The following OSGIN2 variants were observed in gnomAD, a reference collection of about 807,000 sequenced individuals.
OSGIN2 encodes oxidative stress-induced growth inhibitor 2.
OSGIN2 carries 19 observed loss-of-function variants against 53.8 expected under a neutral mutation model. The observed-to-expected ratio is 0.35, with a 90% CI of 0.25 to 0.52. The LOEUF (loss-of-function observed/expected upper bound fraction) is 0.52. OSGIN2 is among the 20% of genes least tolerant of loss of function. The pLI is 0.95. For missense variants in OSGIN2, 520 were observed against 662.7 expected, an observed-to-expected ratio of 0.78 and a Z score of 2.36; for synonymous variants, 236 against 236.0, an observed-to-expected ratio of 1.00 and a Z score of 0.00.
intron 2 of OSGIN2, among the ~76,000 whole-genome samples, chr8:89,913,858 G>A (rs939824512): frequency 1.3e-5 from 2 of 152,196 alleles, no homozygotes; most frequent in Non-Finnish European, 1.5e-5. Flanking sequence ...AATTTTGGAT[G>A]TCAGTAGCCT....
At chr8:89,923,720 T>A (rs1365609960) in intron 5 of OSGIN2, among the ~76,000 whole-genome samples, 1 of 152,228 alleles carries the variant, frequency 6.6e-6, no homozygotes, top group Admixed American at 6.5e-5. Flanking sequence ...CATTTTTGAC[T>A]TAAAATATTT....
In OSGIN2 at chr8:89,921,161, A is replaced by G. The variant is rs766564563; in HGVS notation, c.610A>G (p.Ser204Gly). ...ACTTAAATTTAAGGACTGGGTATCA[A>G]GTAAACGAAGGTAAAGATTGAACTG... is the stretch of plus-strand genomic sequence containing the variant. Reference protein sequence around the residue: ...PGLKFKDWVSSKRRSLKGDRV... With the variant: ...PGLKFKDWVSGKRRSLKGDRV... The change falls in exon 5 of 6, where the codon AGT becomes GGT. Residue 204 changes from serine (S) to glycine (G), a missense_variant. Ser to Gly is a moderately conservative substitution (Grantham distance 56). Around this residue, in one of 3 missense-constraint regions of OSGIN2, gnomAD observed 203 missense variants for 275.3 expected, o/e 0.74. Coordinates refer to ENST00000451899, the MANE Select transcript of OSGIN2 (RefSeq NM_001126111.3). The G allele has an allele frequency of 1.9e-6, 3 of 1,577,540 alleles. No homozygotes were observed. The highest frequency in any genetic ancestry group is 2.6e-6 in the Non-Finnish European group (3 of 1,155,648).
intron 1 of OSGIN2, among the ~76,000 whole-genome samples, chr8:89,907,800 C>G (rs907899597): frequency 2.0e-5 from 3 of 152,124 alleles, no homozygotes; most frequent in African/African-American, 7.2e-5. Flanking sequence ...TGAAGAATGT[C>G]ATCGGGAGTT....
In OSGIN2 at chr8:89,924,781, A is replaced by C. The variant is rs764866278; in HGVS notation, c.899A>C (p.Glu300Ala). The C allele has an allele frequency of 1.2e-6, 2 of 1,614,180 alleles. No homozygotes were observed. Among genetic ancestry groups the C allele is most frequent in the South Asian group, 2.2e-5 (2 of 91,084 alleles). The change falls in exon 6 of 6, where the codon GAG becomes GCG. Residue 300 changes from glutamate to alanine, a missense_variant. This residue lies in a region of OSGIN2 where 239 missense variants were observed against 328.3 expected (regional missense o/e 0.73). Transcript: ENST00000451899. ...GSHVPFCLFA[E>A]NVALATGTLD... ...CATGTTCCCTTCTGCCTCTTTGCTG[A>C]GAATGTAGCGCTGGCAACTGGAACG...
chr8:89,919,271 T>C (rs1043441616), intron 4 of OSGIN2, among the ~76,000 whole-genome samples: 1 of 152,174 alleles, frequency 6.6e-6, no homozygotes, highest in South Asian at 2.1e-4. Context: ...AATTTTACTA[T>C]AGTGAAAGGA....
intron 2 of OSGIN2, among the ~76,000 whole-genome samples, chr8:89,913,345 G>A (rs1048265509): frequency 6.6e-6 from 1 of 152,214 alleles, no homozygotes; most frequent in Non-Finnish European, 1.5e-5. Context: ...GAAGCTAGAA[G>A]CAAGATGGAG....
intron 4 of OSGIN2, among the ~76,000 whole-genome samples, chr8:89,915,839 G>A (rs866976472): frequency 1.3e-5 from 2 of 152,082 alleles, no homozygotes; most frequent in African/African-American, 2.4e-5. Context: ...GATTAAATAC[G>A]TCATGGGTTT....
Position 89,924,673 on chromosome 8 carries a change from C to G in OSGIN2, c.791C>G (p.Thr264Arg), listed in dbSNP as rs778211161. ...DDDIQDRDIS[T>R]KHLQIEKSNF... Reference sequence around the variant, plus strand: ...GATATTCAAGACAGAGATATTTCAACAAAGCATTTACAGATAGAGAAGTCA... The same window carrying G: ...GATATTCAAGACAGAGATATTTCAAGAAAGCATTTACAGATAGAGAAGTCA... The change falls in exon 6 of 6, where the codon ACA (threonine) becomes AGA (arginine). Residue 264 changes from threonine to arginine, a missense_variant. By Grantham distance (71) the Thr-to-Arg change is moderately conservative. This residue lies in a region of OSGIN2 where 78 missense variants were observed against 59.1 expected (regional missense o/e 1.32). Coordinates refer to ENST00000451899, the MANE Select transcript of OSGIN2 (RefSeq NM_001126111.3). The G allele has an allele frequency of 3.7e-6, 6 of 1,613,946 alleles. No individual in the cohort carries two copies. The highest frequency in any genetic ancestry group is 1.7e-5 in the Admixed American group (1 of 60,016).
rs1165845716 is a variant in OSGIN2 at position 89,902,746 on chromosome 8, G to T, written c.-48G>T. On this transcript the variant is annotated 5_prime_UTR_variant, in exon 1 of 6. Transcript: ENST00000451899. Reference sequence around the variant, plus strand: ...AGCGGGCAGCCTCGCCGGGGGAGGCGGAGGCGGCCACGGCGGCCGCGCTCG... The same window carrying T: ...AGCGGGCAGCCTCGCCGGGGGAGGCTGAGGCGGCCACGGCGGCCGCGCTCG... The T allele has an allele frequency of 2.4e-5, 27 of 1,147,458 alleles. No homozygotes were observed. In the East Asian group the frequency reaches 9.8e-4, roughly 42 times the overall value. 71.1% of individuals were successfully genotyped at this position (1,147,458 alleles called of 1,614,324 possible).
At chr8:89,903,196 A>G (rs573933883) in intron 1 of OSGIN2, among the ~76,000 whole-genome samples, 1 of 152,306 alleles carries the variant, frequency 6.6e-6, no homozygotes, top group South Asian at 2.1e-4. Context: ...TTATTTCTTA[A>G]AAAGTCTTCT....
rs1158801603 is a variant in OSGIN2 at position 89,912,954 on chromosome 8, C to G, written c.200-1123C>G. 4.6e-5 allele frequency among the ~76,000 whole-genome samples: 7 copies of G among 152,016 alleles called. No individual in the cohort carries two copies. The East Asian group carries it at 1.2e-3, about 25-fold the overall frequency. ...GGCCGCAGGACTGGTTCAGTTGAGT[C>G]TTGGGTCTGAGTCTTGAATCTTGGG... On this transcript the variant is annotated intron_variant, in intron 2 of 5. Transcript: ENST00000451899.
chr8:89,918,221 G>T (rs1472203791), intron 4 of OSGIN2, among the ~76,000 whole-genome samples: 1 of 152,050 alleles, frequency 6.6e-6, no homozygotes, highest in Non-Finnish European at 1.5e-5. Flanking sequence ...TCTTTCTTAG[G>T]TTCTCTGAAT....
At position 89,926,073 on chromosome 8, in the gene OSGIN2, TAAATGAAA is replaced by T. The variant is rs942793874; in HGVS notation, c.*543_*550del. The T allele has an allele frequency of 6.5e-6, 1 of 153,326 alleles. No individual in the cohort carries two copies. Among genetic ancestry groups the T allele is most frequent in the Non-Finnish European group, 1.5e-5 (1 of 68,824 alleles). 9.5% of individuals were successfully genotyped at this position (153,326 alleles called of 1,614,324 possible). A position where few individuals can be genotyped will look rare whatever the true frequency, so the allele number is the denominator to read the frequency against. ...CTCATAAAAATTTGAGACACTGGTTTAAATGAAAATGGATATAAGGTATGTATAACTGG... is the reference window on the plus strand; with the variant it reads ...CTCATAAAAATTTGAGACACTGGTTTATGGATATAAGGTATGTATAACTGG... On this transcript the variant is annotated 3_prime_UTR_variant, in exon 6 of 6. Coordinates refer to ENST00000451899, the MANE Select transcript of OSGIN2 (RefSeq NM_001126111.3).
chr8:89,918,535 T>A lies in OSGIN2; in HGVS notation c.529-2545T>A, dbSNP rs369184069. On this transcript the variant is annotated intron_variant, in intron 4 of 5. Coordinates refer to ENST00000451899, the MANE Select transcript of OSGIN2 (RefSeq NM_001126111.3). ...CAGGTCTTTTCTTCATACTCTTCATTCTCCCTGGGTTATCTTACCTACTTC... is the reference window on the plus strand; with the variant it reads ...CAGGTCTTTTCTTCATACTCTTCATACTCCCTGGGTTATCTTACCTACTTC... 6.6e-5 allele frequency among the ~76,000 whole-genome samples: 10 copies of A among 152,274 alleles called. 1 individual carries two copies. In the East Asian group the frequency reaches 1.2e-3, roughly 18 times the overall value.
chr8:89,920,026 TAA>T (rs1178495515), intron 4 of OSGIN2, among the ~76,000 whole-genome samples: 1 of 152,156 alleles, frequency 6.6e-6, no homozygotes, highest in Non-Finnish European at 1.5e-5. Context: ...GGAATAATGT[TAA>T]AAAATTGTTG....
At chr8:89,923,271 A>C (rs1809246446) in intron 5 of OSGIN2, among the ~76,000 whole-genome samples, 1 of 152,198 alleles carries the variant, frequency 6.6e-6, no homozygotes, top group Non-Finnish European at 1.5e-5. Context: ...ATAATCCTTT[A>C]TGGGACCATT....
At chr8:89,909,832 G>C in intron 2 of OSGIN2, 111 bp downstream of exon 2, 1 of 630,008 alleles carries the variant, frequency 1.6e-6, no homozygotes. Flanking sequence ...ATTCTTAGGT[G>C]GTTTGATATG....
chr8:89,902,397 G>T (rs1384713278), upstream of OSGIN2: 1 of 152,100 alleles, frequency 6.6e-6, no homozygotes, highest in South Asian at 2.1e-4. Flanking sequence ...TCCCCTGCCC[G>T]CGCAGCCTCG....
chr8:89,918,049 C>T (rs921782114), intron 4 of OSGIN2, among the ~76,000 whole-genome samples: 1 of 152,214 alleles, frequency 6.6e-6, no homozygotes, highest in Non-Finnish European at 1.5e-5. Context: ...CTTCTCCCTG[C>T]CTTTGCTTTC....
Sources: allele counts gnomAD v4.1 joint callset (sites outside exome capture counted in the v4.1 genomes callset), GRCh38; gene constraint gnomAD v4.1.1; regional missense constraint gnomAD v4.1.1; transcripts MANE v1.5; gene names NCBI Gene and HGNC (gene_info 2026-07-23, HGNC 2026-07-21).